H2AZ2: variants seen among roughly 807,000 people sequenced by gnomAD.
H2AZ2 encodes the protein histone H2A.V.
Under a neutral mutation model 15.5 loss-of-function variants are expected in H2AZ2, and 5 were observed. The observed-to-expected ratio is 0.32, with a 90% confidence interval of 0.17 to 0.68. The LOEUF (loss-of-function observed/expected upper bound fraction) is 0.68, where lower values mean the gene tolerates loss of function less well. Ranked by LOEUF, H2AZ2 falls within the 30% of genes least tolerant of loss-of-function variation. H2AZ2 has a pLI of 0.72. For missense variants in H2AZ2, 42 were observed against 162.5 expected, an observed-to-expected ratio of 0.26 and a Z score of 4.03; for synonymous variants, 44 against 57.4, an observed-to-expected ratio of 0.77 and a Z score of 1.05.
At chr7:44,839,767 C>T (rs1218985683) in intron 3 of H2AZ2, among the ~76,000 whole-genome samples, 1 of 151,944 alleles carries the variant, frequency 6.6e-6, no homozygotes, top group Non-Finnish European at 1.5e-5. Context: ...CTTTGGGAGG[C>T]TGAGGCAAGT....
chr7:44,835,777 C>T lies in H2AZ2; in HGVS notation c.196-119G>A, dbSNP rs1793104854. 4 of 865,572 alleles carry T rather than the reference C, an allele frequency of 4.6e-6. No individual in the cohort carries two copies. The South Asian group carries it at 1.1e-4, about 23-fold the overall frequency. 53.6% of individuals were successfully genotyped at this position (865,572 alleles called of 1,614,324 possible). The stretch of plus-strand genomic sequence containing the variant: ...ATACATAAACTGATAATATATTTTT[C>T]TTTCTTGTATTTCTATAATGCTTTT... On this transcript the variant is annotated intron_variant, in intron 3 of 4. Transcript: ENST00000308153.
rs1189111766 is a variant in H2AZ2, at chr7:44,836,364, TA to T, written c.196-707del. 2.6e-5 allele frequency among the ~76,000 whole-genome samples: 4 copies of T among 152,142 alleles called. No homozygotes were observed. The East Asian group carries it at 7.7e-4, about 29-fold the overall frequency. On this transcript the variant is annotated intron_variant, in intron 3 of 4. Coordinates refer to ENST00000308153, the MANE Select transcript of H2AZ2 (RefSeq NM_012412.5). The stretch of plus-strand genomic sequence containing the variant: ...TTTTAGAAGTTTTCAAATGTATTTT[TA>T]AAATTTTTTAAAAATAAAAGAGATG...
chr7:44,830,221 C>T, downstream of H2AZ2: 1 of 1,522,996 alleles, frequency 6.6e-7, no homozygotes, highest in Non-Finnish European at 9.1e-7. Flanking sequence ...TAAATAAGGG[C>T]CATCTCATAG....
intron 2 of H2AZ2, 91 bp downstream of exon 2, chr7:44,843,186 A>C (rs1364877857): frequency 4.6e-6 from 2 of 431,768 alleles, no homozygotes; most frequent in Non-Finnish European, 8.5e-6. Flanking sequence ...GTCTGTAGTA[A>C]TACAAGTAGA....
chr7:44,837,433 G>GAAAAAAAAA (rs71011996), intron 3 of H2AZ2, among the ~76,000 whole-genome samples: 2 of 87,268 alleles, frequency 2.3e-5, no homozygotes, highest in Non-Finnish European at 4.2e-5. Context: ...AAAAAAAAAA[G>GAAAAAAAAA]AAAAAAAAAA....
At chr7:44,838,937 C>T (rs1793198367) in intron 3 of H2AZ2, among the ~76,000 whole-genome samples, 1 of 152,154 alleles carries the variant, frequency 6.6e-6, no homozygotes, top group African/African-American at 2.4e-5. Flanking sequence ...AAATTACTTC[C>T]CCAATCTGGA....
intron 1 of H2AZ2, among the ~76,000 whole-genome samples, chr7:44,846,861 A>G (rs1470102834): frequency 1.3e-5 from 2 of 152,148 alleles, no homozygotes; most frequent in African/African-American, 4.8e-5. Flanking sequence ...TACAATAACA[A>G]TAAACTATAC....
At chr7:44,844,057 A>ATC (rs1562789382) in intron 1 of H2AZ2, among the ~76,000 whole-genome samples, 2 of 149,038 alleles carry the variant, frequency 1.3e-5, no homozygotes, top group African/African-American at 4.9e-5. Context: ...AAAAAAAAAA[A>ATC]CCTCAAAAAA....
At chr7:44,830,171 G>T, downstream of H2AZ2, 1 of 1,612,984 alleles carries the variant, frequency 6.2e-7, no homozygotes, top group South Asian at 1.1e-5. Flanking sequence ...TCTCTAACAA[G>T]AAATAACAGG....
chr7:44,839,994 C>T (rs1047348159), intron 3 of H2AZ2, among the ~76,000 whole-genome samples: 9 of 144,168 alleles, frequency 6.2e-5, no homozygotes, highest in Admixed American at 5.7e-4. Context: ...AGAGCAAGAC[C>T]CTGTCTCAAA....
At position 44,848,059 on chromosome 7, in the gene H2AZ2, G is replaced by A. The variant is rs982721375; in HGVS notation, c.-88C>T. The A allele has an allele frequency of 3.7e-6, 3 of 802,702 alleles. No homozygotes were observed. The highest frequency in any genetic ancestry group is 4.5e-5 in the Admixed American group (1 of 22,062). 49.7% of individuals were successfully genotyped at this position (802,702 alleles called of 1,614,324 possible). ...CGCCGCCGCTCTCGCAGCACCGACCGCCGCCGCCGGAGCCGGACAATACCC... is the reference window on the plus strand; with the variant it reads ...CGCCGCCGCTCTCGCAGCACCGACCACCGCCGCCGGAGCCGGACAATACCC... On this transcript the variant is annotated 5_prime_UTR_variant, in exon 1 of 5. Transcript: ENST00000308153.
chr7:44,845,359 T>G (rs1224770861), intron 1 of H2AZ2, among the ~76,000 whole-genome samples: 1 of 152,172 alleles, frequency 6.6e-6, no homozygotes, highest in Non-Finnish European at 1.5e-5. Flanking sequence ...CCAGAATGCC[T>G]CATATTTTAA....
At chr7:44,846,669 A>C (rs1404775911) in intron 1 of H2AZ2, among the ~76,000 whole-genome samples, 25 of 150,166 alleles carry the variant, frequency 1.7e-4, no homozygotes, top group Non-Finnish European at 2.7e-4. Flanking sequence ...AAAAAAAAAA[A>C]CCACAAAAAA....
Position 44,848,000 on chromosome 7 carries a change from G to A in H2AZ2, c.-29C>T, listed in dbSNP as rs777473503. 2 of 1,342,758 alleles carry A rather than the reference G, an allele frequency of 1.5e-6. No homozygotes were observed. Among genetic ancestry groups the A allele is most frequent in the Admixed American group, 3.5e-5 (1 of 28,834 alleles). The allele number at this position is 1,342,758 out of a possible 1,614,324, so 83.2% of individuals were successfully genotyped here. On this transcript the variant is annotated 5_prime_UTR_variant, in exon 1 of 5. Transcript: ENST00000308153. ...CTCGGCGCCGACTCCGCCTCCGCTC[G>A]GCCGCGCGCCCTCCCGCTGCCGACC...
intron 2 of H2AZ2, 85 bp from the exon 3 acceptor site, chr7:44,841,097 G>T: frequency 1.0e-6 from 1 of 979,720 alleles, no homozygotes; most frequent in Non-Finnish European, 1.6e-6. Flanking sequence ...ATGTAAGCAT[G>T]AAATAATAAA....
At position 44,848,047 on chromosome 7, in the gene H2AZ2, G is replaced by T. The variant is rs994479128; in HGVS notation, c.-76C>A. The T allele has an allele frequency of 1.2e-4, 116 of 992,624 alleles. No individual in the cohort carries two copies. The highest frequency in any genetic ancestry group is 1.4e-4 in the Non-Finnish European group (108 of 769,240). 61.5% of individuals were successfully genotyped at this position (992,624 alleles called of 1,614,324 possible). ...GACCCGCGCCGCCGCCGCCGCTCTC[G>T]CAGCACCGACCGCCGCCGCCGGAGC... On this transcript the variant is annotated 5_prime_UTR_variant, in exon 1 of 5. Transcript: ENST00000308153.
At chr7:44,835,066 G>C (rs1397073132) in intron 4 of H2AZ2, 2 of 165,040 alleles carry the variant, frequency 1.2e-5, no homozygotes, top group Non-Finnish European at 2.6e-5. Flanking sequence ...TTACAGGTGT[G>C]AGCCACCGTG....
downstream of H2AZ2, chr7:44,830,062 G>T: frequency 7.2e-7 from 1 of 1,396,480 alleles, no homozygotes; most frequent in Non-Finnish European, 1.0e-6. Flanking sequence ...CCTTGGTTCA[G>T]CTCAGCACAC....
chr7:44,834,545 G>A lies in H2AZ2; in HGVS notation c.343C>T (p.His115Tyr), dbSNP rs1374153158. The A allele has an allele frequency of 6.2e-7, 1 of 1,605,462 alleles. No individual in the cohort carries two copies. Residue 115 changes from histidine (H) to tyrosine (Y), a missense_variant, in exon 5 of 5, where the codon CAC (histidine) becomes TAC (tyrosine). By Grantham distance (83) the His-to-Tyr change is moderately conservative (BLOSUM62 2). Coordinates refer to ENST00000308153, the MANE Select transcript of H2AZ2 (RefSeq NM_012412.5). The stretch of plus-strand genomic sequence containing the variant: ...CCCTTCTTTCCAATCAGAGATTTGT[G>A]GATGTGAGGGATCACACCTAGAATG... ...IAGGGVIPHI[H>Y]KSLIGKKGQQ...
Sources: gnomAD v4.1 joint callset for allele counts (sites outside exome capture counted in the v4.1 genomes callset) on GRCh38, gnomAD v4.1.1 for gene constraint, MANE v1.5 for transcripts, NCBI Gene and HGNC (gene_info 2026-07-23, HGNC 2026-07-21) for gene names.